Variants in ROBO1 observed in about 807,000 individuals in gnomAD.
ROBO1 encodes the protein roundabout guidance receptor 1, also known as roundabout homolog 1.
In ROBO1, 149 loss-of-function variants were observed where a neutral mutation model predicts 195.9. The ratio of observed to expected loss-of-function variants is 0.76; its 90% CI spans 0.67 to 0.87. The LOEUF (loss-of-function observed/expected upper bound fraction) is 0.87, where lower values mean the gene tolerates loss of function less well. ROBO1 is among the 40% of genes least tolerant of loss of function. The pLI is 0.00. For missense variants in ROBO1, 1,933 were observed against 2,068.3 expected, an observed-to-expected ratio of 0.93 and a Z score of 1.27; for synonymous variants, 816 against 733.2, an observed-to-expected ratio of 1.11 and a Z score of -1.82.
At chr3:78,987,032 T>C (rs2077122891) in intron 3 of ROBO1, among the ~76,000 whole-genome samples, 2 of 151,930 alleles carry the variant, frequency 1.3e-5, no homozygotes, top group Admixed American at 1.3e-4. Context: ...TAAAAACATT[T>C]ACTGGCAATA....
chr3:79,460,344 C>A (rs1370628989), intron 2 of ROBO1, among the ~76,000 whole-genome samples: 1 of 152,166 alleles, frequency 6.6e-6, no homozygotes, highest in Non-Finnish European at 1.5e-5. Context: ...TTTACAAAAT[C>A]TATTACCTAT....
intron 10 of ROBO1, among the ~76,000 whole-genome samples, chr3:78,671,137 C>G (rs564553563): frequency 6.6e-6 from 1 of 152,106 alleles, no homozygotes; most frequent in South Asian, 2.1e-4. Flanking sequence ...ATACAATTAA[C>G]CCTATGATTA....
At chr3:78,943,589 G>T (rs778772989) in intron 3 of ROBO1, among the ~76,000 whole-genome samples, 1 of 152,158 alleles carries the variant, frequency 6.6e-6, no homozygotes. Flanking sequence ...AGTTCTCAGG[G>T]TGATTAGTCT....
chr3:79,155,438 C>A (rs951853023), intron 2 of ROBO1, among the ~76,000 whole-genome samples: 4 of 151,718 alleles, frequency 2.6e-5, no homozygotes, highest in African/African-American at 9.7e-5. Flanking sequence ...AAAACTTTTT[C>A]CAAAAATAAG....
chr3:78,627,140 A>G (rs1195612462), intron 26 of ROBO1, among the ~76,000 whole-genome samples, 181 bp downstream of exon 26: 1 of 152,218 alleles, frequency 6.6e-6, no homozygotes, highest in Admixed American at 6.5e-5. Context: ...GGATCAATTA[A>G]TCTAATGCAA....
chr3:79,269,810 A>G (rs2030354540), intron 2 of ROBO1, among the ~76,000 whole-genome samples: 2 of 151,786 alleles, frequency 1.3e-5, no homozygotes, highest in African/African-American at 4.8e-5. Context: ...AACAACTCCC[A>G]TCAACATAGA....
At chr3:79,517,395 G>A (rs1179473172) in intron 2 of ROBO1, among the ~76,000 whole-genome samples, 1 of 152,134 alleles carries the variant, frequency 6.6e-6, no homozygotes, top group Non-Finnish European at 1.5e-5. Flanking sequence ...GGTGTGAGGA[G>A]AACTTATTTT....
intron 4 of ROBO1, among the ~76,000 whole-genome samples, chr3:78,934,880 AC>A (rs2039716960): frequency 6.6e-6 from 1 of 151,892 alleles, no homozygotes; most frequent in Admixed American, 6.6e-5. Flanking sequence ...GAACCATTTT[AC>A]CCCTAGGAGT....
chr3:78,709,113 T>C (rs1197921581), intron 8 of ROBO1, among the ~76,000 whole-genome samples: 1 of 152,158 alleles, frequency 6.6e-6, no homozygotes, highest in Middle Eastern at 3.2e-3. Flanking sequence ...TTAACATGTA[T>C]AGGTAATGAA....
At chr3:79,398,187 C>A (rs564320484) in intron 2 of ROBO1, among the ~76,000 whole-genome samples, 3 of 152,100 alleles carry the variant, frequency 2.0e-5, no homozygotes, top group African/African-American at 4.8e-5. Flanking sequence ...TCTCAACACA[C>A]CCTTATATTG....
At chr3:78,685,681 C>T in intron 10 of ROBO1, 65 bp downstream of exon 10, 2 of 1,162,312 alleles carry the variant, frequency 1.7e-6, no homozygotes, top group Non-Finnish European at 2.4e-6. Flanking sequence ...AATATATCTA[C>T]TGGCACCCTC....
chr3:79,682,235 A>C (rs1442045141), intron 1 of ROBO1, among the ~76,000 whole-genome samples: 2 of 152,176 alleles, frequency 1.3e-5, no homozygotes, highest in East Asian at 1.9e-4. Context: ...TCTAATAATT[A>C]GCATTTTAGC....
intron 4 of ROBO1, among the ~76,000 whole-genome samples, chr3:78,915,170 A>T (rs2038481997): frequency 6.6e-6 from 1 of 152,172 alleles, no homozygotes; most frequent in African/African-American, 2.4e-5. Context: ...GATCCTGGAA[A>T]CACAATGCTC....
chr3:79,392,562 T>C (rs1241750804), intron 2 of ROBO1, among the ~76,000 whole-genome samples: 1 of 152,164 alleles, frequency 6.6e-6, no homozygotes, highest in Non-Finnish European at 1.5e-5. Context: ...GGTGGCATTA[T>C]TCTACAATAG....
intron 4 of ROBO1, among the ~76,000 whole-genome samples, chr3:78,901,048 C>A (rs1017006747): frequency 6.6e-6 from 1 of 152,058 alleles, no homozygotes; most frequent in Non-Finnish European, 1.5e-5. Context: ...AGAATCTTTT[C>A]CAGATAAGTG....
At chr3:79,698,024 G>T (rs1947498625) in intron 1 of ROBO1, among the ~76,000 whole-genome samples, 1 of 151,324 alleles carries the variant, frequency 6.6e-6, no homozygotes, top group Non-Finnish European at 1.5e-5. Context: ...TTCTAAAAAT[G>T]TTTTGATACT....
At chr3:79,081,357 T>C (rs770608635) in intron 3 of ROBO1, among the ~76,000 whole-genome samples, 2 of 152,128 alleles carry the variant, frequency 1.3e-5, no homozygotes, top group Non-Finnish European at 2.9e-5. Flanking sequence ...TGGCTGTCAG[T>C]GGTGGTGCCA....
At chr3:78,721,445 A>G (rs2082042471) in intron 5 of ROBO1, among the ~76,000 whole-genome samples, 1 of 152,214 alleles carries the variant, frequency 6.6e-6, no homozygotes, top group African/African-American at 2.4e-5. Context: ...AACTTTGGAT[A>G]GCACGCCGAG....
intron 4 of ROBO1, among the ~76,000 whole-genome samples, chr3:78,904,245 T>A (rs139001085): frequency 6.6e-6 from 1 of 152,206 alleles, no homozygotes; most frequent in East Asian, 1.9e-4. Flanking sequence ...ACCCAAAGGG[T>A]GTGAATCCAT....
Sources: gnomAD v4.1 joint callset for allele counts (sites outside exome capture counted in the v4.1 genomes callset) on GRCh38, gnomAD v4.1.1 for gene constraint, MANE v1.5 for transcripts, NCBI Gene and HGNC (gene_info 2026-07-23, HGNC 2026-07-21) for gene names.